The following FOXN3 variants were observed in gnomAD, a reference collection of about 807,000 sequenced individuals.
FOXN3 encodes forkhead box protein N3.
In FOXN3, 7 loss-of-function variants were observed where a neutral mutation model predicts 38.4. The ratio of observed to expected loss-of-function variants is 0.18; its 90% CI spans 0.10 to 0.34. The LOEUF (loss-of-function observed/expected upper bound fraction) is 0.34, where lower values mean the gene tolerates loss of function less well. Among genes scored for constraint, FOXN3 ranks in the 10% least tolerant of loss-of-function variants. The pLI, the probability that FOXN3 is intolerant of heterozygous loss-of-function variation, is 1.00. For missense variants in FOXN3, 456 were observed against 613.4 expected, an observed-to-expected ratio of 0.74 and a Z score of 2.71; for synonymous variants, 230 against 242.2, an observed-to-expected ratio of 0.95 and a Z score of 0.47.
chr14:89,168,029 A>G (rs1235607128), intron 5 of FOXN3, among the ~76,000 whole-genome samples: 2 of 152,338 alleles, frequency 1.3e-5, no homozygotes, highest in East Asian at 3.9e-4. Flanking sequence ...CTGAAAGAAC[A>G]TACTTTAAAC....
At chr14:89,172,068 A>G (rs185371123) in intron 5 of FOXN3, among the ~76,000 whole-genome samples, 15 of 152,358 alleles carry the variant, frequency 9.8e-5, no homozygotes, top group Non-Finnish European at 1.9e-4. Flanking sequence ...AGCAGCAAGT[A>G]GAAAATACAT....
intron 1 of FOXN3, among the ~76,000 whole-genome samples, chr14:89,557,958 A>T (rs1408526833): frequency 6.6e-6 from 1 of 152,184 alleles, no homozygotes; most frequent in Non-Finnish European, 1.5e-5. Flanking sequence ...GTAAGCCAAG[A>T]TCATGCCACT....
At chr14:89,619,114 G>A (rs1385628408) in exon 1 of FOXN3, 2 of 151,614 alleles carry the variant, frequency 1.3e-5, no homozygotes, top group East Asian at 1.9e-4. Context: ...CCGCCGCCGG[G>A]TCGCGCCGTC....
chr14:89,164,796 A>G lies in FOXN3; in HGVS notation c.852-1827T>C, dbSNP rs534667283. ...TGAGATAACAGTAGTGACAATCTCT[A>G]CCCTGGCTTTTCTCCTGTCACCCTC... is the stretch of plus-strand genomic sequence containing the variant. On this transcript the variant is annotated intron_variant, in intron 5 of 5. Coordinates refer to ENST00000557258, the MANE Select transcript of FOXN3 (RefSeq NM_005197.4). This position sits in a 1 kb window ranked among gnomAD's most constrained non-coding sequence, Gnocchi z 4.3. 7.9e-5 allele frequency among the ~76,000 whole-genome samples: 12 copies of G among 152,196 alleles called. No homozygotes were observed. The East Asian group carries it at 2.3e-3, about 29-fold the overall frequency.
At chr14:89,303,582 A>C (rs1887287597) in intron 3 of FOXN3, among the ~76,000 whole-genome samples, 1 of 152,094 alleles carries the variant, frequency 6.6e-6, no homozygotes, top group Non-Finnish European at 1.5e-5. Flanking sequence ...AGAACACTTA[A>C]TTCAGAAAGG....
chr14:89,579,770 C>G (rs1307700538), intron 1 of FOXN3, among the ~76,000 whole-genome samples: 1 of 152,172 alleles, frequency 6.6e-6, no homozygotes, highest in Non-Finnish European at 1.5e-5. Flanking sequence ...CATTCTTTGT[C>G]ATTTTTTTTA....
chr14:89,366,078 C>T (rs894162356), intron 2 of FOXN3, among the ~76,000 whole-genome samples: 3 of 151,938 alleles, frequency 2.0e-5, no homozygotes, highest in Non-Finnish European at 2.9e-5. Flanking sequence ...GGTGAAACCC[C>T]GTCTCTACTG....
intron 1 of FOXN3, among the ~76,000 whole-genome samples, chr14:89,593,117 A>AAG: frequency 7.4e-6 from 1 of 134,602 alleles, no homozygotes; most frequent in Non-Finnish European, 1.6e-5. Flanking sequence ...GGAGAGAGAG[A>AAG]GAAAGGAAGG....
At chr14:89,362,125 T>A (rs1221674302) in intron 2 of FOXN3, among the ~76,000 whole-genome samples, 2 of 22,450 alleles carry the variant, frequency 8.9e-5, no homozygotes, top group Middle Eastern at 0.033. Context: ...CACCACCACC[T>A]CCACCACTAC....
chr14:89,405,379 C>A (rs1891361625), intron 2 of FOXN3, among the ~76,000 whole-genome samples: 1 of 152,134 alleles, frequency 6.6e-6, no homozygotes, highest in Admixed American at 6.5e-5. Context: ...TCAAATGATG[C>A]CCCCGTCTTG....
chr14:89,306,633 C>T (rs1486703509), intron 3 of FOXN3, among the ~76,000 whole-genome samples: 2 of 152,196 alleles, frequency 1.3e-5, no homozygotes, highest in Non-Finnish European at 2.9e-5. Flanking sequence ...TTCCAAAGTG[C>T]TGGGATTACA....
intron 3 of FOXN3, among the ~76,000 whole-genome samples, chr14:89,348,041 T>G (rs559297043): frequency 1.3e-5 from 2 of 152,302 alleles, no homozygotes; most frequent in South Asian, 2.1e-4. Flanking sequence ...GTCTGGGCAG[T>G]GCTCTCAAAT....
chr14:89,172,712 A>C (rs1887421931), intron 5 of FOXN3, among the ~76,000 whole-genome samples: 1 of 152,176 alleles, frequency 6.6e-6, no homozygotes, highest in Non-Finnish European at 1.5e-5. Context: ...AATAGAAAGA[A>C]ACCTGATATA....
At chr14:89,569,854 C>T (rs1895454259) in intron 1 of FOXN3, among the ~76,000 whole-genome samples, 1 of 152,124 alleles carries the variant, frequency 6.6e-6, no homozygotes, top group African/African-American at 2.4e-5. Flanking sequence ...CTCCTCTTAC[C>T]ACCCAGGGAG....
intron 4 of FOXN3, among the ~76,000 whole-genome samples, chr14:89,227,196 C>T (rs1320361234): frequency 6.6e-6 from 1 of 152,164 alleles, no homozygotes; most frequent in South Asian, 2.1e-4. Flanking sequence ...CATGCTGGTA[C>T]CCCTCAGCAC....
intron 1 of FOXN3, among the ~76,000 whole-genome samples, chr14:89,430,771 C>A (rs949043995): frequency 6.6e-6 from 1 of 152,190 alleles, no homozygotes; most frequent in Non-Finnish European, 1.5e-5. Context: ...TTGAAAAGGG[C>A]CACAGAAAAC....
intron 1 of FOXN3, among the ~76,000 whole-genome samples, chr14:89,556,700 C>T (rs191030986): frequency 6.6e-6 from 1 of 152,282 alleles, no homozygotes; most frequent in East Asian, 1.9e-4. Flanking sequence ...TGTGGGCCTG[C>T]CACGTTTTGG....
At chr14:89,583,120 G>T (rs1450514365) in intron 1 of FOXN3, among the ~76,000 whole-genome samples, 1 of 152,140 alleles carries the variant, frequency 6.6e-6, no homozygotes, top group African/African-American at 2.4e-5. Flanking sequence ...TCTTAGACTG[G>T]CATTCTCTTA....
chr14:89,511,237 CT>C lies in FOXN3; in HGVS notation c.-14-98748del, dbSNP rs1419720103. Among the ~76,000 whole-genome samples the C allele has an allele frequency of 5.8e-4, 15 of 25,718 alleles. 7 individuals carry two copies. Among genetic ancestry groups the C allele is most frequent in the Admixed American group, 2.4e-3 (4 of 1,662 alleles). 16.9% of individuals were successfully genotyped at this position (25,718 alleles called of 152,430 possible). A position where few individuals can be genotyped will look rare whatever the true frequency, so the allele number is the denominator to read the frequency against. ...TTTCTTTCTTTCTTTCTTTTCTTTCCTTTTCTTTCTTTTCTTTCTTTCTTTC... is the reference window on the plus strand; with the variant it reads ...TTTCTTTCTTTCTTTCTTTTCTTTCCTTTCTTTCTTTTCTTTCTTTCTTTC... On this transcript the variant is annotated intron_variant, in intron 1 of 6. Transcript: ENST00000345097.
Sources: gnomAD v4.1 joint callset for allele counts (sites outside exome capture counted in the v4.1 genomes callset) on GRCh38, gnomAD v4.1.1 for gene constraint, Gnocchi (gnomAD v3.1) non-coding constraint, MANE v1.5 for transcripts, NCBI Gene and HGNC (gene_info 2026-07-23, HGNC 2026-07-21) for gene names.